Variants in ABCC6 observed in about 807,000 individuals in gnomAD.
ABCC6 encodes the protein ATP-binding cassette sub-family C member 6.
In ABCC6, 126 loss-of-function variants were observed where a neutral mutation model predicts 169.5. The ratio of observed to expected loss-of-function variants is 0.74; its 90% CI spans 0.64 to 0.86. ABCC6 has a LOEUF of 0.86. Among genes scored for constraint, ABCC6 ranks in the 40% least tolerant of loss-of-function variants. The pLI is 0.00. For synonymous variants in ABCC6, 752 were observed against 814.7 expected (o/e 0.92, Z 1.31); for missense variants, 1,733 against 1,927.2 (o/e 0.90, Z 1.89).
At chr16:16,222,935 C>T (rs2049121430) in intron 1 of ABCC6, 2 of 214,828 alleles carry the variant, frequency 9.3e-6, no homozygotes, top group South Asian at 6.2e-5. Context: ...CAGCATGGCA[C>T]AAGGTTGGGC....
intron 21 of ABCC6, among the ~76,000 whole-genome samples, chr16:16,171,954 GAGTGGTTGGGTGGGTGGGATGGATAAATA>G (rs2047095941): frequency 1.6e-5 from 2 of 122,574 alleles, no homozygotes; most frequent in Non-Finnish European, 3.4e-5. Flanking sequence ...ATGGATAAAT[GAGTGGTTGGGTGGGTGGGATGGATAAATA>G]AGTGGATGGG....
At chr16:16,152,459 C>T (rs923556699) in intron 29 of ABCC6, among the ~76,000 whole-genome samples, 3 of 152,052 alleles carry the variant, frequency 2.0e-5, no homozygotes, top group Admixed American at 6.6e-5. Flanking sequence ...CCCAACCTCA[C>T]TACTTTTAAG....
At position 16,159,606 on chromosome 16, in the gene ABCC6, G is replaced by A. The variant is rs777360866; in HGVS notation, c.3634-23C>T. The A allele has an allele frequency of 5.0e-6, 8 of 1,612,100 alleles. No homozygotes were observed. The East Asian group carries it at 1.8e-4, about 36-fold the overall frequency. On this transcript the variant is annotated intron_variant, in intron 25 of 30. Transcript: ENST00000205557. The stretch of plus-strand genomic sequence containing the variant: ...CACCTGGTGCAAGAAAGCCTCTCTG[G>A]CTGGGTTTGGCAAGGCCACTTGAGG...
chr16:16,213,254 A>C lies in ABCC6; in HGVS notation c.601-1008T>G, dbSNP rs4238624. The stretch of plus-strand genomic sequence containing the variant: ...GACTACAGGCATGCACCACCACACT[A>C]GGCTATTTTTAAAAACCTTTTTGTA... On this transcript the variant is annotated intron_variant, in intron 5 of 30. Transcript: ENST00000205557. Among the ~76,000 whole-genome samples the C allele has an allele frequency of 4.6e-5, 7 of 152,012 alleles. No homozygotes were observed. The East Asian group carries it at 1.4e-3, about 29-fold the overall frequency.
chr16:16,176,814 A>G (rs2047293237), intron 19 of ABCC6, among the ~76,000 whole-genome samples: 1 of 152,174 alleles, frequency 6.6e-6, no homozygotes, highest in Non-Finnish European at 1.5e-5. Context: ...TCTGGGCCTC[A>G]GTTTCCTCAT....
At chr16:16,189,776 A>G (rs2047779500) in intron 12 of ABCC6, among the ~76,000 whole-genome samples, 1 of 152,106 alleles carries the variant, frequency 6.6e-6, no homozygotes. Context: ...GCAATATGAA[A>G]TAAATTACAG....
At chr16:16,200,719 C>G (rs2048209805) in intron 9 of ABCC6, among the ~76,000 whole-genome samples, 1 of 151,448 alleles carries the variant, frequency 6.6e-6, no homozygotes, top group Non-Finnish European at 1.5e-5. Flanking sequence ...TCCCCTCCTC[C>G]CCTAGGTGAC....
At chr16:16,152,430 T>TA (rs1017327513) in intron 29 of ABCC6, among the ~76,000 whole-genome samples, 1 of 151,940 alleles carries the variant, frequency 6.6e-6, no homozygotes, top group Non-Finnish European at 1.5e-5. Context: ...ATGCAGGCGT[T>TA]AGAGTGCCTG....
intron 9 of ABCC6, among the ~76,000 whole-genome samples, chr16:16,198,692 C>G (rs2048135816): frequency 6.6e-6 from 1 of 151,200 alleles, no homozygotes; most frequent in Non-Finnish European, 1.5e-5. Flanking sequence ...CTACAAAATA[C>G]TTTAAAAAAT....
chr16:16,190,658 T>C (rs1053135120), intron 11 of ABCC6, among the ~76,000 whole-genome samples: 1 of 150,472 alleles, frequency 6.6e-6, no homozygotes, highest in Non-Finnish European at 1.5e-5. Flanking sequence ...GAAGGCTACC[T>C]GGAGGTGGTT....
chr16:16,165,928 C>T lies in ABCC6; in HGVS notation c.3001G>A (p.Gly1001Arg), dbSNP rs773471469. 2 of 1,612,862 alleles carry T rather than the reference C, an allele frequency of 1.2e-6. No individual in the cohort carries two copies. Among genetic ancestry groups the T allele is most frequent in the East Asian group, 4.5e-5 (2 of 44,872 alleles). The change falls in exon 23 of 31, where the codon GGG (glycine) becomes AGG (arginine). Residue 1001 changes from glycine (G) to arginine (R), a missense_variant. Transcript: ENST00000205557. ...ACCGCAGCCATGGAGGCAAACAGCCCAATGGCTGGGGAGGGAGAGGAGGTA... is the reference window on the plus strand; with the variant it reads ...ACCGCAGCCATGGAGGCAAACAGCCTAATGGCTGGGGAGGGAGAGGAGGTA... Reference protein sequence around the residue: ...FGLLGCLQAIGLFASMAAVLL... With the variant: ...FGLLGCLQAIRLFASMAAVLL...
intron 18 of ABCC6, among the ~76,000 whole-genome samples, chr16:16,178,346 A>G (rs1420373482): frequency 6.6e-6 from 1 of 152,016 alleles, no homozygotes; most frequent in African/African-American, 2.4e-5. Context: ...AGAAAAAGAA[A>G]AAAGTTACAC....
Position 16,203,615 on chromosome 16 carries a change from T to A in ABCC6, c.795-2A>T. The A allele has an allele frequency of 2.5e-6, 4 of 1,613,974 alleles. No individual in the cohort carries two copies. The highest frequency in any genetic ancestry group is 3.4e-6 in the Non-Finnish European group (4 of 1,179,844). ...TTAAATGCTATTGCCTTGTTGTGCC[T>A]GAGGGGAAGGGAGAGATTAGCTCTG... On this transcript the variant is annotated splice_acceptor_variant, in intron 7 of 30. Coordinates refer to ENST00000205557, the MANE Select transcript of ABCC6 (RefSeq NM_001171.6). LOFTEE classifies it high-confidence loss of function.
intron 9 of ABCC6, among the ~76,000 whole-genome samples, chr16:16,200,040 C>T (rs1044857896): frequency 2.0e-5 from 3 of 151,936 alleles, no homozygotes; most frequent in Admixed American, 1.3e-4. Context: ...TGCACTACAG[C>T]CTGGGTGACA....
rs528670320 is a variant in ABCC6, at chr16:16,198,136, T to A, written c.1223A>T (p.Asp408Val). 2 of 1,610,640 alleles carry A rather than the reference T, an allele frequency of 1.2e-6. No homozygotes were observed. Among genetic ancestry groups the A allele is most frequent in the Non-Finnish European group, 1.7e-6 (2 of 1,178,608 alleles). ...SGSRKASAVG[D>V]VVNLVSVDVQ... The stretch of plus-strand genomic sequence containing the variant: ...GTCCACGGACACCAGATTGACCACA[T>A]CACCCACCGCACTGGCCTTTCTGGA... The change falls in exon 10 of 31, where the codon GAT becomes GTT. Residue 408 changes from aspartate to valine, a missense_variant. Asp to Val is a radical substitution (Grantham distance 152). Around this residue, in one of 5 missense-constraint regions of ABCC6, gnomAD observed 1,601 missense variants for 1,635.5 expected, o/e 0.98. Coordinates refer to ENST00000205557, the MANE Select transcript of ABCC6 (RefSeq NM_001171.6).
chr16:16,163,786 C>A (rs2046800151), intron 23 of ABCC6, among the ~76,000 whole-genome samples: 1 of 152,120 alleles, frequency 6.6e-6, no homozygotes, highest in Admixed American at 6.6e-5. Flanking sequence ...ACTGTATGTG[C>A]CAGGCTTTTC....
intron 24 of ABCC6, among the ~76,000 whole-genome samples, 172 bp downstream of exon 24, chr16:16,162,821 C>G (rs3213472): frequency 2.0e-5 from 3 of 152,124 alleles, no homozygotes; most frequent in African/African-American, 7.2e-5. Flanking sequence ...GAGAATCTCT[C>G]GGTCATGTTC....
intron 7 of ABCC6, among the ~76,000 whole-genome samples, chr16:16,204,837 C>CTT (rs869245358): frequency 3.3e-4 from 46 of 140,192 alleles, no homozygotes; most frequent in East Asian, 6.1e-4. Flanking sequence ...TTTTTCTTTT[C>CTT]TTTTTTTTTT....
At chr16:16,204,736 CCT>C (rs753455117) in intron 7 of ABCC6, among the ~76,000 whole-genome samples, 237 of 152,232 alleles carry the variant, frequency 1.6e-3, no homozygotes, top group Non-Finnish European at 2.4e-3. Flanking sequence ...GGACACTGCT[CCT>C]CTCTCTGTGT....
Sources: gnomAD v4.1 joint callset for allele counts (sites outside exome capture counted in the v4.1 genomes callset) on GRCh38, gnomAD v4.1.1 for gene constraint, gnomAD v4.1.1 regional missense constraint, MANE v1.5 for transcripts, NCBI Gene and HGNC (gene_info 2026-07-23, HGNC 2026-07-21) for gene names.